TRPM3: variants seen among roughly 807,000 people sequenced by gnomAD.
TRPM3 encodes long transient receptor potential channel 3.
TRPM3 carries 77 observed loss-of-function variants against 181.2 expected under a neutral mutation model. That is an observed-to-expected ratio of 0.42 (90% CI 0.35 to 0.51). The LOEUF (loss-of-function observed/expected upper bound fraction) is 0.51, where lower values mean the gene tolerates loss of function less well. Ranked by LOEUF, TRPM3 falls within the 20% of genes least tolerant of loss-of-function variation. The pLI, the probability that TRPM3 is intolerant of heterozygous loss-of-function variation, is 0.01. For synonymous variants in TRPM3, 745 were observed against 796.4 expected, an observed-to-expected ratio of 0.94 and a Z score of 1.09; for missense variants, 1,759 against 2,196.7, an observed-to-expected ratio of 0.80 and a Z score of 3.98.
chr9:70,978,213 A>G (rs778910214), intron 1 of TRPM3, among the ~76,000 whole-genome samples: 2 of 152,202 alleles, frequency 1.3e-5, no homozygotes, highest in Admixed American at 1.3e-4. Flanking sequence ...CGTATTTCTT[A>G]TAATTACATC....
chr9:70,634,388 C>T (rs2066491802), intron 12 of TRPM3, among the ~76,000 whole-genome samples: 2 of 152,246 alleles, frequency 1.3e-5, no homozygotes, highest in East Asian at 1.9e-4. Context: ...GCTGGGATTA[C>T]AGGCATGAGT....
intron 1 of TRPM3, among the ~76,000 whole-genome samples, chr9:71,363,358 C>A (rs2092227245): frequency 2.6e-5 from 4 of 152,116 alleles, no homozygotes; most frequent in African/African-American, 7.2e-5. Flanking sequence ...TGATTTTTTC[C>A]TAAGCCAAAT....
chr9:71,070,586 C>A lies in TRPM3; in HGVS notation c.177+50592G>T, dbSNP rs190111858. ...TTAGAAGAACAACATTTGCAAAATT[C>A]TGAGTTGCTGAATATTCACTGTCAA... On this transcript the variant is annotated intron_variant, in intron 1 of 25. Transcript: ENST00000677713. Among the ~76,000 whole-genome samples, 159 of 152,266 alleles carry A rather than the reference C, an allele frequency of 1.0e-3. 1 individual carries two copies. Among genetic ancestry groups the A allele is most frequent in the Non-Finnish European group, 1.7e-3 (119 of 68,022 alleles).
At chr9:70,896,553 A>G (rs998916376) in intron 1 of TRPM3, among the ~76,000 whole-genome samples, 50 of 152,170 alleles carry the variant, frequency 3.3e-4, no homozygotes, top group African/African-American at 1.2e-3. Context: ...TCAAAAGTGA[A>G]TGTGTGTGAA....
intron 7 of TRPM3, among the ~76,000 whole-genome samples, chr9:70,764,578 A>T (rs2078742205): frequency 6.6e-6 from 1 of 152,172 alleles, no homozygotes; most frequent in Non-Finnish European, 1.5e-5. Flanking sequence ...AAAGACAGTA[A>T]GAATCTTATC....
At chr9:70,609,977 A>G (rs2061766496) in intron 19 of TRPM3, among the ~76,000 whole-genome samples, 1 of 152,202 alleles carries the variant, frequency 6.6e-6, no homozygotes, top group Non-Finnish European at 1.5e-5. Context: ...CCATATCAGG[A>G]GGTCGTCATT....
At chr9:70,841,627 T>TATATATAC (rs1381629635) in intron 5 of TRPM3, among the ~76,000 whole-genome samples, 5 of 37,390 alleles carry the variant, frequency 1.3e-4, no homozygotes, top group African/African-American at 8.9e-4. Flanking sequence ...TATCCCACTA[T>TATATATAC]ATATATATAT....
intron 1 of TRPM3, among the ~76,000 whole-genome samples, chr9:71,403,802 C>T (rs759631876): frequency 6.7e-6 from 1 of 149,804 alleles, no homozygotes; most frequent in African/African-American, 2.5e-5. Flanking sequence ...ATCAAAAGAG[C>T]TAAGACCCAT....
chr9:70,784,042 ACTCATACC>A, intron 7 of TRPM3, 55 bp downstream of exon 7: 1 of 1,548,700 alleles, frequency 6.5e-7, no homozygotes, highest in Non-Finnish European at 8.7e-7. Flanking sequence ...AACATAATCC[ACTCATACC>A]CTCGTTTCCA....
At chr9:71,138,896 A>G (rs768102708) in intron 1 of TRPM3, among the ~76,000 whole-genome samples, 2 of 152,134 alleles carry the variant, frequency 1.3e-5, no homozygotes, top group Non-Finnish European at 2.9e-5. Context: ...TCCACTTACA[A>G]ACATGAACAC....
chr9:71,425,916 A>G (rs961959237), intron 1 of TRPM3, among the ~76,000 whole-genome samples: 3 of 152,006 alleles, frequency 2.0e-5, no homozygotes, highest in Non-Finnish European at 4.4e-5. Flanking sequence ...GAGTTTGCAC[A>G]TGTTGCTCCC....
chr9:70,627,878 AT>A (rs1391929272), intron 12 of TRPM3, among the ~76,000 whole-genome samples: 7 of 152,174 alleles, frequency 4.6e-5, no homozygotes, highest in Non-Finnish European at 8.8e-5. Flanking sequence ...TTGTTTGAAG[AT>A]TATCTTTATC....
intron 1 of TRPM3, among the ~76,000 whole-genome samples, chr9:70,994,663 C>T (rs2097525786): frequency 6.6e-6 from 1 of 152,138 alleles, no homozygotes; most frequent in African/African-American, 2.4e-5. Flanking sequence ...GACCATCTTA[C>T]TCTCCAGGGG....
intron 1 of TRPM3, among the ~76,000 whole-genome samples, chr9:71,388,808 C>A (rs2092990781): frequency 6.6e-6 from 1 of 152,088 alleles, no homozygotes; most frequent in African/African-American, 2.4e-5. Flanking sequence ...AGAGGAAATG[C>A]AGATTTGCCA....
At chr9:70,894,576 C>G (rs1287637042) in intron 1 of TRPM3, among the ~76,000 whole-genome samples, 3 of 152,120 alleles carry the variant, frequency 2.0e-5, no homozygotes, top group African/African-American at 7.2e-5. Flanking sequence ...CTTGGGAGTA[C>G]AGTATTGACT....
intron 1 of TRPM3, among the ~76,000 whole-genome samples, chr9:70,916,103 T>C (rs1298366029): frequency 6.6e-6 from 1 of 152,186 alleles, no homozygotes; most frequent in Admixed American, 6.5e-5. Flanking sequence ...GTTAAAGTGC[T>C]GAAGGAAGAA....
At chr9:70,876,583 C>T (rs1035588603) in intron 1 of TRPM3, among the ~76,000 whole-genome samples, 2 of 151,480 alleles carry the variant, frequency 1.3e-5, no homozygotes, top group Admixed American at 1.3e-4. Context: ...ATTTAGTTTC[C>T]AATTTGTTTC....
At chr9:70,747,837 G>A (rs558144972) in intron 8 of TRPM3, among the ~76,000 whole-genome samples, 1 of 152,156 alleles carries the variant, frequency 6.6e-6, no homozygotes, top group Non-Finnish European at 1.5e-5. Context: ...ATAGGGAATA[G>A]CAATAGTCTA....
intron 22 of TRPM3, among the ~76,000 whole-genome samples, chr9:70,581,543 G>A (rs1198903751): frequency 6.6e-6 from 1 of 152,250 alleles, no homozygotes; most frequent in Non-Finnish European, 1.5e-5. Flanking sequence ...GCCTTGCTGG[G>A]ATCATCTGCT....
Sources: gnomAD v4.1 joint callset for allele counts (sites outside exome capture counted in the v4.1 genomes callset) on GRCh38, gnomAD v4.1.1 for gene constraint, MANE v1.5 for transcripts, NCBI Gene and HGNC (gene_info 2026-07-23, HGNC 2026-07-21) for gene names.